Variants in DLG2 observed in about 807,000 individuals in gnomAD.
The protein encoded by DLG2 is discs large MAGUK scaffold protein 2, also known as disks large homolog 2.
In DLG2, 45 loss-of-function variants were observed where a neutral mutation model predicts 132.5. That is an observed-to-expected ratio of 0.34 (90% confidence interval 0.27 to 0.44). DLG2 has a LOEUF of 0.44. Among genes scored for constraint, DLG2 ranks in the 20% least tolerant of loss-of-function variants. The probability of loss-of-function intolerance (pLI) is 1.00; values close to 1 mark genes in which losing one functional copy is unlikely to be tolerated. For synonymous variants in DLG2, 424 were observed against 419.6 expected, an observed-to-expected ratio of 1.01 and a Z score of -0.13; for missense variants, 1,045 against 1,196.9, an observed-to-expected ratio of 0.87 and a Z score of 1.87.
intron 6 of DLG2, chr11:84,923,055 T>TTGCC (rs1566405667): frequency 6.2e-7 from 1 of 1,613,872 alleles, no homozygotes; most frequent in Non-Finnish European, 8.5e-7. Flanking sequence ...TTGTGCCCAG[T>TTGCC]TGCCGGCTCG....
chr11:84,921,290 T>A (rs567750733), intron 6 of DLG2, among the ~76,000 whole-genome samples: 1 of 152,254 alleles, frequency 6.6e-6, no homozygotes, highest in East Asian at 1.9e-4. Flanking sequence ...GGTAGAAGCA[T>A]AATTCAAATT....
At chr11:84,491,685 G>C (rs890144752) in intron 7 of DLG2, among the ~76,000 whole-genome samples, 1 of 152,148 alleles carries the variant, frequency 6.6e-6, no homozygotes, top group Non-Finnish European at 1.5e-5. Flanking sequence ...TGGCAGTTCT[G>C]CTCATAGCTG....
rs2097983749 is a variant in DLG2 at position 84,290,875 on chromosome 11, C to A, written c.520-39584G>T. Among the ~76,000 whole-genome samples the A allele has an allele frequency of 2.0e-5, 3 of 152,094 alleles. No individual in the cohort carries two copies. The South Asian group carries it at 6.2e-4, about 32-fold the overall frequency. ...GGTTTGAATTCTAATGCTAAAATCA[C>A]TCAGTGTTGCTATGAGTAAGTTGCT... On this transcript the variant is annotated intron_variant, in intron 7 of 27. Transcript: ENST00000376104.
chr11:83,497,260 C>T (rs758481258), intron 21 of DLG2, among the ~76,000 whole-genome samples: 18 of 152,162 alleles, frequency 1.2e-4, no homozygotes, highest in Non-Finnish European at 7.4e-5. Context: ...AGAACCATAC[C>T]GGCTGGGCGT....
intron 17 of DLG2, among the ~76,000 whole-genome samples, chr11:83,832,018 G>A (rs777932639): frequency 8.5e-5 from 13 of 152,132 alleles, no homozygotes; most frequent in Non-Finnish European, 1.8e-4. Context: ...GCATTAAAAT[G>A]GAATACTTAA....
At chr11:85,474,375 C>T (rs2093075622) in intron 3 of DLG2, among the ~76,000 whole-genome samples, 1 of 151,846 alleles carries the variant, frequency 6.6e-6, no homozygotes, top group Non-Finnish European at 1.5e-5. Context: ...AATCCACAAA[C>T]AAGAACTTAA....
intron 11 of DLG2, among the ~76,000 whole-genome samples, chr11:84,003,772 AATT>A (rs2094459594): frequency 6.6e-6 from 1 of 152,142 alleles, no homozygotes; most frequent in Non-Finnish European, 1.5e-5. Flanking sequence ...TAACCATATT[AATT>A]CCACAGAAAT....
At chr11:84,829,251 G>A (rs952395730) in intron 6 of DLG2, among the ~76,000 whole-genome samples, 25 of 151,762 alleles carry the variant, frequency 1.6e-4, no homozygotes, top group African/African-American at 5.8e-4. Context: ...TTAATGGAAT[G>A]TGAGCAGAAG....
At chr11:83,561,900 T>TC (rs1169925228) in intron 19 of DLG2, among the ~76,000 whole-genome samples, 2 of 142,362 alleles carry the variant, frequency 1.4e-5, no homozygotes, top group Non-Finnish European at 3.1e-5. Flanking sequence ...TTTTTTTTTT[T>TC]TTTTTTTGAG....
chr11:83,469,632 G>A (rs1428143334), intron 24 of DLG2, among the ~76,000 whole-genome samples: 1 of 152,136 alleles, frequency 6.6e-6, no homozygotes, highest in African/African-American at 2.4e-5. Context: ...AGAAACATAT[G>A]AGAGAGCATT....
chr11:85,281,461 T>G (rs566181579), intron 4 of DLG2, among the ~76,000 whole-genome samples: 4 of 151,972 alleles, frequency 2.6e-5, no homozygotes, highest in Non-Finnish European at 5.9e-5. Flanking sequence ...ACGAAGCCTG[T>G]GGAAACTAAT....
chr11:83,941,499 C>G (rs11233823), intron 14 of DLG2, among the ~76,000 whole-genome samples: 18,589 of 151,738 alleles, frequency 0.12, 1,269 homozygotes, highest in Middle Eastern at 0.17. Flanking sequence ...GGGTTCAAGC[C>G]ATTCTCCCAT....
At chr11:84,038,536 T>C (rs903812769) in intron 11 of DLG2, among the ~76,000 whole-genome samples, 1 of 152,102 alleles carries the variant, frequency 6.6e-6, no homozygotes, top group East Asian at 1.9e-4. Context: ...GTAATATATG[T>C]ACATGGTAGA....
Position 84,714,621 on chromosome 11 carries a change from CTT to C in DLG2, c.358-179892_358-179891del, listed in dbSNP as rs1491491747. Among the ~76,000 whole-genome samples, 84 of 114,056 alleles carry C rather than the reference CTT, an allele frequency of 7.4e-4. 2 individuals carry two copies. The highest frequency in any genetic ancestry group is 2.5e-3 in the African/African-American group (60 of 23,998). 74.8% of individuals were successfully genotyped at this position (114,056 alleles called of 152,430 possible). A position where few individuals can be genotyped will look rare whatever the true frequency, so the allele number is the denominator to read the frequency against. On this transcript the variant is annotated intron_variant, in intron 6 of 27. Transcript: ENST00000376104. ...TCTTTCTCTTTCTCTTTCTCTTTCT[CTT>C]TCTCTCTCTCTCTCTCTCTCTCTTT...
At chr11:84,600,180 GAA>G (rs1328700902) in intron 6 of DLG2, among the ~76,000 whole-genome samples, 2 of 131,524 alleles carry the variant, frequency 1.5e-5, no homozygotes, top group Non-Finnish European at 3.1e-5. Flanking sequence ...AAGAAAGAAA[GAA>G]AGAAAGAAAG....
At chr11:83,724,476 T>TGTGTGTGAGAGAGAGAGA (rs762050933) in intron 18 of DLG2, among the ~76,000 whole-genome samples, 2 of 118,230 alleles carry the variant, frequency 1.7e-5, no homozygotes, top group African/African-American at 2.9e-5. Context: ...TGTGTGTGTG[T>TGTGTGTGAGAGAGAGAGA]GAGAGAGAGA....
intron 17 of DLG2, among the ~76,000 whole-genome samples, chr11:83,815,710 C>T (rs2048697055): frequency 6.6e-6 from 1 of 152,138 alleles, no homozygotes; most frequent in Non-Finnish European, 1.5e-5. Flanking sequence ...ATGTTCAGTG[C>T]CTTTCACTTT....
At chr11:83,618,397 C>T (rs984721499) in intron 19 of DLG2, among the ~76,000 whole-genome samples, 12 of 152,190 alleles carry the variant, frequency 7.9e-5, no homozygotes, top group East Asian at 3.9e-4. Flanking sequence ...TTTGGTATCA[C>T]GGTGATGTTA....
intron 7 of DLG2, among the ~76,000 whole-genome samples, chr11:84,472,605 T>A (rs77544923): frequency 0.044 from 6,711 of 151,984 alleles, 388 homozygotes; most frequent in Non-Finnish European, 0.045. Context: ...TGGCAAAATG[T>A]ATTTAACTTC....
Sources: gnomAD v4.1 joint callset for allele counts (sites outside exome capture counted in the v4.1 genomes callset) on GRCh38, gnomAD v4.1.1 for gene constraint, MANE v1.5 for transcripts, NCBI Gene and HGNC (gene_info 2026-07-23, HGNC 2026-07-21) for gene names.